Variants in CNTN4 observed in about 807,000 individuals in gnomAD.
The protein encoded by CNTN4 is contactin-4.
A neutral mutation model predicts 122.5 loss-of-function variants in CNTN4; 77 were observed. That is an observed-to-expected ratio of 0.63 (90% CI 0.52 to 0.76). The LOEUF (loss-of-function observed/expected upper bound fraction) is 0.76, where lower values mean the gene tolerates loss of function less well. CNTN4 is among the 30% of genes least tolerant of loss of function. The pLI is 0.00. For synonymous variants in CNTN4, 512 were observed against 447.0 expected (o/e 1.15, Z -1.83); for missense variants, 1,256 against 1,259.1 (o/e 1.00, Z 0.04).
chr3:3,028,652 G>A (rs994835978), intron 15 of CNTN4, among the ~76,000 whole-genome samples: 1 of 152,012 alleles, frequency 6.6e-6, no homozygotes, highest in African/African-American at 2.4e-5. Flanking sequence ...GCATCCCCTG[G>A]GGCATATTTT....
intron 3 of CNTN4, among the ~76,000 whole-genome samples, chr3:2,494,026 G>T (rs563579989): frequency 1.3e-5 from 2 of 151,282 alleles, no homozygotes; most frequent in East Asian, 3.9e-4. Flanking sequence ...TTGTTTATTA[G>T]GATTTTTTTT....
chr3:3,037,122 T>G (rs1699680853), intron 17 of CNTN4, 57 bp from the exon 18 acceptor site: 2 of 1,582,784 alleles, frequency 1.3e-6, no homozygotes, highest in African/African-American at 2.7e-5. Context: ...TAACGTAATC[T>G]CTGCATTTGT....
chr3:3,002,001 C>T (rs1308322955), intron 14 of CNTN4, among the ~76,000 whole-genome samples: 1 of 152,218 alleles, frequency 6.6e-6, no homozygotes, highest in Admixed American at 6.5e-5. Context: ...AAATCTGAAG[C>T]AAATTGAGGC....
At chr3:2,149,503 C>G (rs1441121011) in intron 2 of CNTN4, among the ~76,000 whole-genome samples, 1 of 152,124 alleles carries the variant, frequency 6.6e-6, no homozygotes, top group African/African-American at 2.4e-5. Flanking sequence ...GGTTTATATG[C>G]TGAAGATGGA....
chr3:2,986,291 C>T, intron 13 of CNTN4, among the ~76,000 whole-genome samples: 1 of 152,138 alleles, frequency 6.6e-6, no homozygotes, highest in East Asian at 1.9e-4. Context: ...CCTTACTGAC[C>T]CTATCTTACC....
At chr3:2,301,125 A>G (rs1165396529) in intron 2 of CNTN4, among the ~76,000 whole-genome samples, 1 of 152,210 alleles carries the variant, frequency 6.6e-6, no homozygotes, top group Non-Finnish European at 1.5e-5. Context: ...ATGTTCTGGT[A>G]CTGAACAATA....
intron 4 of CNTN4, among the ~76,000 whole-genome samples, chr3:2,667,814 G>T (rs2084261368): frequency 6.6e-6 from 1 of 151,478 alleles, no homozygotes; most frequent in Non-Finnish European, 1.5e-5. Flanking sequence ...ACATATGGCT[G>T]GCCATTTTTC....
intron 13 of CNTN4, among the ~76,000 whole-genome samples, chr3:2,963,992 G>A (rs190077479): frequency 1.3e-4 from 20 of 152,276 alleles, no homozygotes; most frequent in Admixed American, 7.8e-4. Flanking sequence ...GGGAGCAACC[G>A]TATCAGTTTT....
intron 3 of CNTN4, among the ~76,000 whole-genome samples, chr3:2,556,648 A>T (rs895463461): frequency 6.7e-6 from 1 of 150,002 alleles, no homozygotes; most frequent in Non-Finnish European, 1.5e-5. Context: ...ACAAACACAC[A>T]TACACACACA....
intron 2 of CNTN4, among the ~76,000 whole-genome samples, chr3:2,216,630 A>C (rs538475227): frequency 6.6e-6 from 1 of 152,356 alleles, no homozygotes; most frequent in African/African-American, 2.4e-5. Flanking sequence ...TATTTTGTTA[A>C]TGAAACTAAG....
chr3:2,237,013 A>T (rs1227968991), intron 2 of CNTN4, among the ~76,000 whole-genome samples: 1 of 152,162 alleles, frequency 6.6e-6, no homozygotes, highest in Non-Finnish European at 1.5e-5. Flanking sequence ...ATGGTAGAAG[A>T]TGAGATGGTG....
At chr3:2,979,198 A>T (rs1189501988) in intron 13 of CNTN4, among the ~76,000 whole-genome samples, 1 of 152,012 alleles carries the variant, frequency 6.6e-6, no homozygotes, top group Non-Finnish European at 1.5e-5. Context: ...GGTAGGAGGG[A>T]GTTTTATAAA....
chr3:2,677,482 ATATCTATCTATC>A (rs68070708), intron 4 of CNTN4, among the ~76,000 whole-genome samples: 10 of 120,938 alleles, frequency 8.3e-5, no homozygotes, highest in South Asian at 5.1e-4. Flanking sequence ...CTATCCATCT[ATATCTATCTATC>A]TATCTATCTA....
At chr3:2,225,575 C>T (rs1386850330) in intron 2 of CNTN4, among the ~76,000 whole-genome samples, 1 of 152,152 alleles carries the variant, frequency 6.6e-6, no homozygotes, top group Admixed American at 6.6e-5. Flanking sequence ...TTCCCTTCAT[C>T]TTTGGTACAG....
Position 2,334,965 on chromosome 3 carries a change from C to A in CNTN4, c.-144-4213C>A, listed in dbSNP as rs1315520397. On this transcript the variant is annotated intron_variant, in intron 2 of 24. Coordinates refer to ENST00000418658, the MANE Select transcript of CNTN4 (RefSeq NM_175607.3). ...GGGTCTAGATCAGGACTGTTTGTTCCCTAGGGTAAAATCATCCTTTTTGAC... is the reference window on the plus strand; with the variant it reads ...GGGTCTAGATCAGGACTGTTTGTTCACTAGGGTAAAATCATCCTTTTTGAC... Among the ~76,000 whole-genome samples the A allele has an allele frequency of 3.3e-5, 5 of 152,102 alleles. No individual in the cohort carries two copies. The East Asian group carries it at 9.7e-4, about 29-fold the overall frequency.
chr3:2,830,304 A>C (rs911246580), intron 7 of CNTN4, among the ~76,000 whole-genome samples: 1 of 152,242 alleles, frequency 6.6e-6, no homozygotes, highest in Non-Finnish European at 1.5e-5. Context: ...TCCAAAAAAA[A>C]TTAAAAAGAT....
chr3:2,165,382 T>A lies in CNTN4; in HGVS notation c.-145+64743T>A, dbSNP rs73095902. On this transcript the variant is annotated intron_variant, in intron 2 of 24. Coordinates refer to ENST00000418658, the MANE Select transcript of CNTN4 (RefSeq NM_175607.3). ...ATGAGATTTTCTTTCCCCAGCTTTATTGAAGAATAATTGAAAAATAAAAAT... is the reference window on the plus strand; with the variant it reads ...ATGAGATTTTCTTTCCCCAGCTTTAATGAAGAATAATTGAAAAATAAAAAT... 3.6e-3 allele frequency among the ~76,000 whole-genome samples: 552 copies of A among 152,066 alleles called. 8 individuals are homozygous for A. The highest frequency in any genetic ancestry group is 0.012 in the African/African-American group (510 of 41,514).
intron 3 of CNTN4, among the ~76,000 whole-genome samples, chr3:2,479,725 C>T (rs186166133): frequency 6.6e-4 from 101 of 152,250 alleles, no homozygotes; most frequent in Admixed American, 1.9e-3. Flanking sequence ...GTCTTGCTTC[C>T]GCTGTTCTTC....
intron 4 of CNTN4, among the ~76,000 whole-genome samples, chr3:2,676,418 C>G (rs971331288): frequency 6.6e-6 from 1 of 152,140 alleles, no homozygotes; most frequent in Non-Finnish European, 1.5e-5. Context: ...GACAGGGTTT[C>G]TGTATGTTGG....
Sources: allele counts gnomAD v4.1 joint callset (sites outside exome capture counted in the v4.1 genomes callset), GRCh38; gene constraint gnomAD v4.1.1; transcripts MANE v1.5; gene names NCBI Gene and HGNC (gene_info 2026-07-23, HGNC 2026-07-21).